BCAS3: variants seen among roughly 807,000 people sequenced by gnomAD.
The protein encoded by BCAS3 is BCAS3 microtubule associated cell migration factor, also known as BCAS4/BCAS3 fusion.
BCAS3 carries 53 observed loss-of-function variants against 116.1 expected under a neutral mutation model. The ratio of observed to expected loss-of-function variants is 0.46; its 90% CI spans 0.37 to 0.57. BCAS3 has a LOEUF of 0.57. BCAS3 is among the 20% of genes least tolerant of loss of function. BCAS3 has a pLI of 0.00. For synonymous variants in BCAS3, 391 were observed against 408.2 expected (o/e 0.96, Z 0.51); for missense variants, 917 against 1,165.4 (o/e 0.79, Z 3.10).
At chr17:60,678,575 G>A (rs1017835773) in intron 1 of BCAS3, among the ~76,000 whole-genome samples, 2 of 152,128 alleles carry the variant, frequency 1.3e-5, no homozygotes, top group African/African-American at 4.8e-5. Flanking sequence ...AAAGGGTAAA[G>A]GGCTGTAACA....
chr17:61,334,362 A>G (rs2056532546), intron 22 of BCAS3, among the ~76,000 whole-genome samples: 1 of 152,112 alleles, frequency 6.6e-6, no homozygotes, highest in African/African-American at 2.4e-5. Flanking sequence ...CCTATGTTGC[A>G]GAGTTATGTT....
intron 22 of BCAS3, among the ~76,000 whole-genome samples, chr17:61,091,661 T>C (rs952830373): frequency 1.3e-5 from 2 of 152,322 alleles, no homozygotes; most frequent in Middle Eastern, 3.4e-3. Flanking sequence ...GCTTCTGATA[T>C]TCCCTCTGGA....
chr17:60,862,936 T>C (rs977466889), intron 7 of BCAS3, among the ~76,000 whole-genome samples: 2 of 152,204 alleles, frequency 1.3e-5, no homozygotes, highest in South Asian at 4.1e-4. Context: ...GTTTTGTCAG[T>C]TATATCTATT....
At chr17:61,031,525 G>A (rs1001541338) in intron 16 of BCAS3, among the ~76,000 whole-genome samples, 11 of 151,918 alleles carry the variant, frequency 7.2e-5, no homozygotes, top group South Asian at 2.1e-4. Context: ...TATTCATAAC[G>A]TTCTTTTTAT....
chr17:60,816,279 C>CTT (rs537982584), intron 7 of BCAS3, among the ~76,000 whole-genome samples: 26,651 of 139,712 alleles, frequency 0.19, 4,540 homozygotes, highest in African/African-American at 0.45. Flanking sequence ...TTTTTCTTTT[C>CTT]TTTTTTTTTT....
rs574383961 is a variant in BCAS3, at chr17:60,708,554, G to A, written c.215-665G>A. Among the ~76,000 whole-genome samples, 30 of 151,932 alleles carry A rather than the reference G, an allele frequency of 2.0e-4. No homozygotes were observed. In the South Asian group the frequency reaches 5.4e-3, roughly 27 times the overall value. ...TAATAATAATTACTATTTTCGAGAC[G>A]GAGTCTTGCTGTGTCACCCAGGCTA... On this transcript the variant is annotated intron_variant, in intron 4 of 23. Transcript: ENST00000407086.
intron 12 of BCAS3, among the ~76,000 whole-genome samples, chr17:60,916,187 A>G (rs1432976234): frequency 1.3e-5 from 2 of 152,242 alleles, no homozygotes; most frequent in Non-Finnish European, 2.9e-5. Context: ...GCTGAGTTGT[A>G]TAAGTGCACT....
intron 9 of BCAS3, among the ~76,000 whole-genome samples, chr17:60,888,592 C>A (rs1214663124): frequency 6.6e-6 from 1 of 151,966 alleles, no homozygotes; most frequent in East Asian, 1.9e-4. Flanking sequence ...AGTATGTTGT[C>A]TTTTTATAAT....
chr17:61,360,749 G>T (rs935865581), intron 22 of BCAS3, among the ~76,000 whole-genome samples: 5 of 152,198 alleles, frequency 3.3e-5, no homozygotes, highest in African/African-American at 7.2e-5. Context: ...TCCAAATAAG[G>T]CCACATTCTG....
At chr17:60,980,936 C>T (rs1032287143) in intron 14 of BCAS3, among the ~76,000 whole-genome samples, 3 of 151,866 alleles carry the variant, frequency 2.0e-5, no homozygotes, top group African/African-American at 7.3e-5. Context: ...TGGGCTGAAG[C>T]GATTCTCCCA....
intron 6 of BCAS3, among the ~76,000 whole-genome samples, chr17:60,768,987 G>A (rs1340313328): frequency 6.6e-6 from 1 of 152,170 alleles, no homozygotes; most frequent in Admixed American, 6.5e-5. Flanking sequence ...GACAAGTTAG[G>A]CAGGTCTGTC....
At chr17:61,137,034 T>A (rs2076679293) in intron 22 of BCAS3, among the ~76,000 whole-genome samples, 1 of 152,252 alleles carries the variant, frequency 6.6e-6, no homozygotes, top group African/African-American at 2.4e-5. Flanking sequence ...ATTGGTTTAC[T>A]ATTAGTTATT....
chr17:61,279,479 A>G lies in BCAS3; in HGVS notation c.2426-88848A>G, dbSNP rs928749120. On this transcript the variant is annotated intron_variant, in intron 22 of 23. Transcript: ENST00000407086. This position sits in a 1 kb window ranked among gnomAD's most constrained non-coding sequence, Gnocchi z 4.4. ...TCTTCTTGAAGAGCAGCTTCTGCCT[A>G]GCCCATGGTGGCTAAGAGATTCACA... is the stretch of plus-strand genomic sequence containing the variant. 2.6e-5 allele frequency among the ~76,000 whole-genome samples: 4 copies of G among 152,226 alleles called. No homozygotes were observed. Among genetic ancestry groups the G allele is most frequent in the Admixed American group, 6.5e-5 (1 of 15,290 alleles).
At chr17:61,297,716 G>GGA (rs2053055325) in intron 22 of BCAS3, among the ~76,000 whole-genome samples, 1 of 152,092 alleles carries the variant, frequency 6.6e-6, no homozygotes, top group Non-Finnish European at 1.5e-5. Flanking sequence ...TGAGTCTGGT[G>GGA]GAGAGGGTGA....
At chr17:60,780,115 C>G (rs376888099) in intron 6 of BCAS3, among the ~76,000 whole-genome samples, 2 of 151,648 alleles carry the variant, frequency 1.3e-5, no homozygotes, top group African/African-American at 2.4e-5. Flanking sequence ...TCGGCTCCCC[C>G]GAGTAGCTGG....
chr17:61,270,196 C>T (rs953065078), intron 22 of BCAS3, among the ~76,000 whole-genome samples: 12 of 148,316 alleles, frequency 8.1e-5, no homozygotes, highest in African/African-American at 1.5e-4. Context: ...CCCGGCTTAC[C>T]GCAACCTCTG....
At chr17:60,932,821 A>G (rs1220835869) in intron 13 of BCAS3, among the ~76,000 whole-genome samples, 1 of 151,902 alleles carries the variant, frequency 6.6e-6, no homozygotes, top group Non-Finnish European at 1.5e-5. Flanking sequence ...AAATTATAAT[A>G]CATGCAGATA....
In BCAS3 at chr17:61,105,170, C is replaced by T. The variant is rs971730337; in HGVS notation, c.2425+20606C>T. 1.3e-5 allele frequency among the ~76,000 whole-genome samples: 2 copies of T among 152,146 alleles called. No homozygotes were observed. Among genetic ancestry groups the T allele is most frequent in the African/African-American group, 2.4e-5 (1 of 41,422 alleles). Reference sequence around the variant, plus strand: ...TCTACTTACATTTATTGAAAACTACCCTGCCGCAGGGCACAGCACATTGGA... The same window carrying T: ...TCTACTTACATTTATTGAAAACTACTCTGCCGCAGGGCACAGCACATTGGA... On this transcript the variant is annotated intron_variant, in intron 22 of 23. Transcript: ENST00000407086. This position sits in a 1 kb window ranked among gnomAD's most constrained non-coding sequence, Gnocchi z 4.3.
intron 19 of BCAS3, among the ~76,000 whole-genome samples, chr17:61,053,373 T>G (rs2069065597): frequency 6.6e-6 from 1 of 152,216 alleles, no homozygotes; most frequent in Non-Finnish European, 1.5e-5. Flanking sequence ...TCCTGTTGTT[T>G]CATGAGTTTT....
Sources: allele counts gnomAD v4.1 joint callset (sites outside exome capture counted in the v4.1 genomes callset), GRCh38; gene constraint gnomAD v4.1.1; non-coding constraint Gnocchi (gnomAD v3.1); transcripts MANE v1.5; gene names NCBI Gene and HGNC (gene_info 2026-07-23, HGNC 2026-07-21).